TNFRSF10A: variants seen among roughly 807,000 people sequenced by gnomAD.
TNFRSF10A encodes tumor necrosis factor receptor superfamily member 10A.
A neutral mutation model predicts 42.8 loss-of-function variants in TNFRSF10A; 44 were observed. The ratio of observed to expected loss-of-function variants is 1.03; its 90% CI spans 0.81 to 1.32. The LOEUF (loss-of-function observed/expected upper bound fraction) is 1.32, where lower values mean the gene tolerates loss of function less well. Ranked by LOEUF, TNFRSF10A falls within the 40% of genes most tolerant of loss-of-function variation. The probability of loss-of-function intolerance (pLI) is 0.00; values close to 1 mark genes in which losing one functional copy is unlikely to be tolerated. For missense variants in TNFRSF10A, 680 were observed against 602.0 expected (o/e 1.13, Z -1.36); for synonymous variants, 259 against 234.2 (o/e 1.11, Z -0.97).
At chr8:23,208,447 T>TTTTTG (rs1289779254) in intron 2 of TNFRSF10A, among the ~76,000 whole-genome samples, 3 of 152,188 alleles carry the variant, frequency 2.0e-5, no homozygotes, top group African/African-American at 7.2e-5. Flanking sequence ...TATAATTCTT[T>TTTTTG]TTTTGTTTTG....
In TNFRSF10A at chr8:23,192,148, T is replaced by C. The variant is rs114739563; in HGVS notation, c.1088-135A>G. On this transcript the variant is annotated intron_variant, in intron 9 of 9. Transcript: ENST00000221132. ...CTGCATGGGCAAACCTGTTGCTCCATTGCCCACCCACCTCCCATCCACAGA... is the reference window on the plus strand; with the variant it reads ...CTGCATGGGCAAACCTGTTGCTCCACTGCCCACCCACCTCCCATCCACAGA... 640 of 1,440,454 alleles carry C rather than the reference T, an allele frequency of 4.4e-4. 3 individuals are homozygous for C. In the African/African-American group the frequency reaches 8.3e-3, roughly 19 times the overall value. 89.2% of individuals were successfully genotyped at this position (1,440,454 alleles called of 1,614,324 possible).
At chr8:23,194,455 GAT>G (rs1336499797) in intron 9 of TNFRSF10A, among the ~76,000 whole-genome samples, 3 of 152,186 alleles carry the variant, frequency 2.0e-5, no homozygotes, top group Non-Finnish European at 4.4e-5. Flanking sequence ...GTCTTTGCTA[GAT>G]ATTTTGAGAT....
At chr8:23,209,549 A>C (rs1471536834) in intron 2 of TNFRSF10A, among the ~76,000 whole-genome samples, 1 of 152,256 alleles carries the variant, frequency 6.6e-6, no homozygotes, top group African/African-American at 2.4e-5. Context: ...CGCCTCTTGC[A>C]TCAGTGTGAC....
chr8:23,192,023 G>A lies in TNFRSF10A; in HGVS notation c.1088-10C>T. On this transcript the variant is annotated splice_polypyrimidine_tract_variant and intron_variant, in intron 9 of 9. Coordinates refer to ENST00000221132, the MANE Select transcript of TNFRSF10A (RefSeq NM_003844.4). ...AAGAACAGCATCAGAGCTGGGTGGAGAAAGCCACAGAGACAGCCAGATGAG... is the reference window on the plus strand; with the variant it reads ...AAGAACAGCATCAGAGCTGGGTGGAAAAAGCCACAGAGACAGCCAGATGAG... 6.2e-7 allele frequency: 1 copy of A among 1,606,896 alleles called. No individual in the cohort carries two copies.
intron 9 of TNFRSF10A, among the ~76,000 whole-genome samples, chr8:23,193,060 G>A (rs1476414502): frequency 1.3e-5 from 2 of 152,154 alleles, no homozygotes; most frequent in African/African-American, 2.4e-5. Flanking sequence ...AGTTTTAGTT[G>A]GTCAGGGAGA....
intron 1 of TNFRSF10A, among the ~76,000 whole-genome samples, chr8:23,221,568 A>G (rs538037042): frequency 1.1e-3 from 170 of 152,310 alleles, no homozygotes; most frequent in Admixed American, 1.8e-3. Flanking sequence ...TGTCATCCTG[A>G]CAGTCTGAGG....
chr8:23,194,856 G>A (rs1017081895), intron 9 of TNFRSF10A, among the ~76,000 whole-genome samples: 2 of 152,148 alleles, frequency 1.3e-5, no homozygotes, highest in African/African-American at 4.8e-5. Flanking sequence ...TGCAGTAACT[G>A]AAAGACCAAT....
chr8:23,193,978 G>A (rs1438880461), intron 9 of TNFRSF10A, among the ~76,000 whole-genome samples: 1 of 152,132 alleles, frequency 6.6e-6, no homozygotes, highest in Non-Finnish European at 1.5e-5. Flanking sequence ...GGTTCTAGGT[G>A]GTGTTCTCTG....
intron 1 of TNFRSF10A, among the ~76,000 whole-genome samples, chr8:23,220,523 C>T (rs1801243135): frequency 6.6e-6 from 1 of 152,232 alleles, no homozygotes; most frequent in African/African-American, 2.4e-5. Flanking sequence ...TTCCTATAAA[C>T]TAGGCAGATA....
chr8:23,221,294 T>A (rs1460343946), intron 1 of TNFRSF10A, among the ~76,000 whole-genome samples: 1 of 152,178 alleles, frequency 6.6e-6, no homozygotes, highest in Non-Finnish European at 1.5e-5. Flanking sequence ...ATCCACCTAG[T>A]TTATAGGAAG....
intron 9 of TNFRSF10A, among the ~76,000 whole-genome samples, chr8:23,192,545 C>G (rs1800771040): frequency 6.6e-6 from 1 of 152,102 alleles, no homozygotes; most frequent in African/African-American, 2.4e-5. Flanking sequence ...GCAAACCTGC[C>G]CAGATCTCAG....
intron 9 of TNFRSF10A, among the ~76,000 whole-genome samples, chr8:23,196,499 A>G (rs1160236299): frequency 6.6e-6 from 1 of 152,018 alleles, no homozygotes. Flanking sequence ...CCCGGCCCAC[A>G]TTGTTACATT....
chr8:23,214,566 A>G (rs149567131), intron 1 of TNFRSF10A, among the ~76,000 whole-genome samples: 2,682 of 151,870 alleles, frequency 0.018, 63 homozygotes, highest in African/African-American at 0.061. Context: ...CTATTGATTT[A>G]TAATTTCCTT....
chr8:23,221,873 T>G (rs1282952970), intron 1 of TNFRSF10A, among the ~76,000 whole-genome samples: 1 of 150,054 alleles, frequency 6.7e-6, no homozygotes, highest in Admixed American at 6.7e-5. Context: ...GGCACGCTTG[T>G]GTATTCTTTT....
At chr8:23,216,602 C>T (rs1801186427) in intron 1 of TNFRSF10A, among the ~76,000 whole-genome samples, 2 of 152,130 alleles carry the variant, frequency 1.3e-5, no homozygotes, top group African/African-American at 2.4e-5. Flanking sequence ...ATGAGCCGGG[C>T]GTGCTGGCAG....
chr8:23,201,308 G>A (rs1248670077), intron 4 of TNFRSF10A, among the ~76,000 whole-genome samples: 1 of 152,158 alleles, frequency 6.6e-6, no homozygotes, highest in Non-Finnish European at 1.5e-5. Flanking sequence ...AGGTCCTCAT[G>A]GGAACTTGAA....
At position 23,219,097 on chromosome 8, in the gene TNFRSF10A, G is replaced by A. The variant is rs567822283; in HGVS notation, c.306+5659C>T. Among the ~76,000 whole-genome samples the A allele has an allele frequency of 1.8e-3, 276 of 152,276 alleles. 1 individual carries two copies. Among genetic ancestry groups the A allele is most frequent in the African/African-American group, 6.5e-3 (268 of 41,542 alleles). On this transcript the variant is annotated intron_variant, in intron 1 of 9. Transcript: ENST00000221132. ...GCCGGCACAGCCTCTCTGGAGGTGG[G>A]GGGTGGGGGAGGTGGCCCCCATGCT...
chr8:23,191,982 G>A lies in TNFRSF10A; in HGVS notation c.1119C>T (p.Asn373=), dbSNP rs1233101152. The A allele has an allele frequency of 1.2e-6, 2 of 1,614,068 alleles. No homozygotes were observed. Among genetic ancestry groups the A allele is most frequent in the Admixed American group, 3.3e-5 (2 of 60,020 alleles). The change falls in exon 10 of 10, where the codon AAC becomes AAT. Residue 373 remains asparagine (N), a synonymous_variant. Coordinates refer to ENST00000221132, the MANE Select transcript of TNFRSF10A (RefSeq NM_003844.4). ...TLMLFFDKFA[N]IVPFDSWDQL... ...GGTCCCAGGAGTCAAAGGGCACGAT[G>A]TTTGCAAACTTGTCAAAGAACAGCA...
In TNFRSF10A at chr8:23,192,030, A is replaced by G. The variant is rs376002634; in HGVS notation, c.1088-17T>C. On this transcript the variant is annotated splice_polypyrimidine_tract_variant and intron_variant, in intron 9 of 9. Coordinates refer to ENST00000221132, the MANE Select transcript of TNFRSF10A (RefSeq NM_003844.4). ...GCATCAGAGCTGGGTGGAGAAAGCC[A>G]CAGAGACAGCCAGATGAGTTGGGAC... is the stretch of plus-strand genomic sequence containing the variant. 55 of 1,603,814 alleles carry G rather than the reference A, an allele frequency of 3.4e-5. No individual in the cohort carries two copies. Among genetic ancestry groups the G allele is most frequent in the Non-Finnish European group, 4.7e-5 (55 of 1,176,364 alleles).
Sources: gnomAD v4.1 joint callset for allele counts (sites outside exome capture counted in the v4.1 genomes callset) on GRCh38, gnomAD v4.1.1 for gene constraint, MANE v1.5 for transcripts, NCBI Gene and HGNC (gene_info 2026-07-23, HGNC 2026-07-21) for gene names.